MASTL: variants seen among roughly 807,000 people sequenced by gnomAD.
MASTL encodes the protein serine/threonine-protein kinase greatwall.
Under a neutral mutation model 82.5 loss-of-function variants are expected in MASTL, and 54 were observed. That is an observed-to-expected ratio of 0.65 (90% confidence interval 0.53 to 0.82). The LOEUF is 0.82. Among genes scored for constraint, MASTL ranks in the 40% least tolerant of loss-of-function variants. The pLI is 0.00. For synonymous variants in MASTL, 323 were observed against 368.9 expected (o/e 0.88, Z 1.43); for missense variants, 950 against 1,047.8 (o/e 0.91, Z 1.29).
At chr10:27,179,505 A>G (rs1384080257) in intron 9 of MASTL, among the ~76,000 whole-genome samples, 1 of 152,198 alleles carries the variant, frequency 6.6e-6, no homozygotes, top group Non-Finnish European at 1.5e-5. Flanking sequence ...TGCAGTGAGC[A>G]GAGATTGCAC....
In MASTL at chr10:27,186,499, C is replaced by T. The variant is rs768523040; in HGVS notation, c.2603C>T (p.Thr868Ile). Reference sequence around the variant, plus strand: ...ACCTCCTATTTTGAAGCCAGGAATACTGCTCAGCACCTGACTGTATCTGGA... The same window carrying T: ...ACCTCCTATTTTGAAGCCAGGAATATTGCTCAGCACCTGACTGTATCTGGA... ...TDTSYFEARN[T>I]AQHLTVSGFS... The change falls in exon 12 of 12, where the codon ACT becomes ATT. Residue 868 changes from threonine to isoleucine, a missense_variant. By Grantham distance (89) the Thr-to-Ile change is moderately conservative. Coordinates refer to ENST00000375940, the MANE Select transcript of MASTL (RefSeq NM_001172303.3). 1 of 1,614,130 alleles carries T rather than the reference C, an allele frequency of 6.2e-7. No individual in the cohort carries two copies. The highest frequency in any genetic ancestry group is 1.1e-5 in the South Asian group (1 of 91,088).
At chr10:27,186,230 C>T (rs2058737627) in intron 11 of MASTL, 149 bp from the exon 12 acceptor site, 1 of 820,894 alleles carries the variant, frequency 1.2e-6, no homozygotes, top group Admixed American at 2.0e-5. Flanking sequence ...AGTATGTGGC[C>T]TAACAGACAT....
intron 9 of MASTL, among the ~76,000 whole-genome samples, chr10:27,180,178 C>A (rs1004215181): frequency 2.0e-5 from 3 of 152,064 alleles, no homozygotes; most frequent in Non-Finnish European, 4.4e-5. Context: ...TTGATGAAGA[C>A]AGTTGTAGGT....
At chr10:27,166,311 G>A (rs2057739621) in intron 6 of MASTL, among the ~76,000 whole-genome samples, 1 of 152,136 alleles carries the variant, frequency 6.6e-6, no homozygotes, top group Admixed American at 6.5e-5. Context: ...AAACCTCAGT[G>A]TTAATAAATA....
chr10:27,164,228 T>G (rs2057668266), intron 4 of MASTL, among the ~76,000 whole-genome samples: 2 of 152,204 alleles, frequency 1.3e-5, no homozygotes, highest in African/African-American at 4.8e-5. Context: ...TACTGTAGCC[T>G]TGAACTCCTG....
intron 4 of MASTL, among the ~76,000 whole-genome samples, chr10:27,161,855 A>G (rs929739129): frequency 1.1e-4 from 16 of 152,208 alleles, no homozygotes; most frequent in African/African-American, 3.9e-4. Flanking sequence ...CTATAACATG[A>G]TGAAGGGTTA....
At chr10:27,172,623 C>T (rs1307181091) in intron 8 of MASTL, among the ~76,000 whole-genome samples, 1 of 151,910 alleles carries the variant, frequency 6.6e-6, no homozygotes, top group Admixed American at 6.6e-5. Flanking sequence ...CACTGCACTC[C>T]AGCCTGGGCA....
chr10:27,159,892 T>C lies in MASTL; in HGVS notation c.464+134T>C. 1.3e-6 allele frequency: 1 copy of C among 755,140 alleles called. No individual in the cohort carries two copies. Among genetic ancestry groups the C allele is most frequent in the Non-Finnish European group, 2.3e-6 (1 of 439,902 alleles). The allele number at this position is 755,140 out of a possible 1,614,324, so 46.8% of individuals were successfully genotyped here. A position where few individuals can be genotyped will look rare whatever the true frequency, so the allele number is the denominator to read the frequency against. On this transcript the variant is annotated intron_variant, in intron 3 of 11. Coordinates refer to ENST00000375940, the MANE Select transcript of MASTL (RefSeq NM_001172303.3). The surrounding 1 kb of genome is among the most constrained non-coding windows in gnomAD (Gnocchi z 4.0). ...AAAGTTTACTAGTAACTTGTATTCA[T>C]TTAGAAATTAACTCTTCTTTCATCT...
At position 27,187,598 on chromosome 10, in the gene MASTL, A is replaced by T. The variant is rs1278044893; in HGVS notation, c.*1062A>T. Among the ~76,000 whole-genome samples the T allele has an allele frequency of 6.6e-6, 1 of 151,838 alleles. No individual in the cohort carries two copies. Among genetic ancestry groups the T allele is most frequent in the Admixed American group, 6.6e-5 (1 of 15,230 alleles). The stretch of plus-strand genomic sequence containing the variant: ...AAAACCTGGTCTCTACTAAAAATAG[A>T]AAAATTAGCCAGGTATGGTGACGCA... On this transcript the variant is annotated 3_prime_UTR_variant, in exon 12 of 12. Coordinates refer to ENST00000375940, the MANE Select transcript of MASTL (RefSeq NM_001172303.3).
rs2057317031 is a variant in MASTL, at chr10:27,155,361, C to A, written c.-66C>A. ...GCGTGGGCGGAGCCTCACTTTGAAC[C>A]CAGTTGGCGGGAGTGGCTGCTCGCG... On this transcript the variant is annotated 5_prime_UTR_variant, in exon 1 of 12. Transcript: ENST00000375940. 6 of 1,488,198 alleles carry A rather than the reference C, an allele frequency of 4.0e-6. No individual in the cohort carries two copies. The Admixed American group carries it at 6.1e-5, about 15-fold the overall frequency. The allele number at this position is 1,488,198 out of a possible 1,614,324, so 92.2% of individuals were successfully genotyped here.
In MASTL at chr10:27,155,777, A is replaced by T. The variant is rs3824592; in HGVS notation, c.186+165A>T. Among the ~76,000 whole-genome samples, 11,429 of 152,156 alleles carry T rather than the reference A, an allele frequency of 0.075. 496 individuals are homozygous for T. The highest frequency in any genetic ancestry group is 0.16 in the East Asian group (826 of 5,154). On this transcript the variant is annotated intron_variant, in intron 1 of 11. Coordinates refer to ENST00000375940, the MANE Select transcript of MASTL (RefSeq NM_001172303.3). ...GCTGACTTCTTTTTGGGGCGACATC[A>T]GCGGTCGGGTCGGGTGTCTCGCCTC...
Position 27,159,312 on chromosome 10 carries a change from G to A in MASTL, c.325-307G>A, listed in dbSNP as rs1369926833. ...AATTTTTTGTAATTTTAGTAGGGAC[G>A]GGGTTTTGCTATGTTGGCCAGGCTA... On this transcript the variant is annotated intron_variant, in intron 2 of 11. Coordinates refer to ENST00000375940, the MANE Select transcript of MASTL (RefSeq NM_001172303.3). The surrounding 1 kb of genome is among the most constrained non-coding windows in gnomAD (Gnocchi z 4.0). Among the ~76,000 whole-genome samples the A allele has an allele frequency of 2.0e-5, 3 of 152,074 alleles. No individual in the cohort carries two copies. The highest frequency in any genetic ancestry group is 2.1e-4 in the South Asian group (1 of 4,828).
chr10:27,159,707 C>T lies in MASTL; in HGVS notation c.413C>T (p.Ser138Phe), dbSNP rs746859805. The stretch of plus-strand genomic sequence containing the variant: ...GAAGAGATGGCTGTGAAATATATTT[C>T]TGAAGTAGCACTGGCTCTAGACTAC... ...FDEEMAVKYI[S>F]EVALALDYLH... The change falls in exon 3 of 12, where the codon TCT (serine) becomes TTT (phenylalanine). Residue 138 changes from serine to phenylalanine, a missense_variant. Coordinates refer to ENST00000375940, the MANE Select transcript of MASTL (RefSeq NM_001172303.3). The surrounding 1 kb of genome is among the most constrained non-coding windows in gnomAD (Gnocchi z 4.0). The T allele has an allele frequency of 6.2e-7, 1 of 1,609,364 alleles. No individual in the cohort carries two copies. The highest frequency in any genetic ancestry group is 2.2e-5 in the East Asian group (1 of 44,796).
Position 27,170,539 on chromosome 10 carries a change from T to C in MASTL, c.1580T>C (p.Met527Thr), listed in dbSNP as rs765368350. The C allele has an allele frequency of 6.2e-7, 1 of 1,613,746 alleles. No homozygotes were observed. Among genetic ancestry groups the C allele is most frequent in the African/African-American group, 1.3e-5 (1 of 74,892 alleles). Residue 527 changes from methionine to threonine, a missense_variant, in exon 8 of 12, where the codon ATG (methionine) becomes ACG (threonine). Physicochemically the swap from Met to Thr is moderately conservative, Grantham distance 81. Coordinates refer to ENST00000375940, the MANE Select transcript of MASTL (RefSeq NM_001172303.3). Reference protein sequence around the residue: ...QQTPEKLPIPMIAKNLMCELD... With the variant: ...QQTPEKLPIPTIAKNLMCELD... ...ACACCAGAAAAATTACCTATACCAATGATAGCAAAAAACCTTATGTGTGAA... is the reference window on the plus strand; with the variant it reads ...ACACCAGAAAAATTACCTATACCAACGATAGCAAAAAACCTTATGTGTGAA...
intron 9 of MASTL, among the ~76,000 whole-genome samples, chr10:27,176,648 C>T (rs1408571961): frequency 2.6e-5 from 4 of 152,134 alleles, no homozygotes; most frequent in Middle Eastern, 3.2e-3. Flanking sequence ...AATTCCTTCT[C>T]ATTTCATCAT....
chr10:27,158,449 A>G (rs930421927), intron 1 of MASTL, 100 bp from the exon 2 acceptor site: 83 of 950,830 alleles, frequency 8.7e-5, no homozygotes, highest in Non-Finnish European at 1.2e-4. Context: ...CAAGGCTGCA[A>G]TAAGCTTTGA....
At chr10:27,158,482 G>A (rs1334573461) in intron 1 of MASTL, 67 bp from the exon 2 acceptor site, 1 of 1,320,632 alleles carries the variant, frequency 7.6e-7, no homozygotes, top group African/African-American at 1.5e-5. Context: ...ACTCAGCCTG[G>A]GCAAGAGAAT....
At chr10:27,177,324 C>A (rs1211136903) in intron 9 of MASTL, among the ~76,000 whole-genome samples, 1 of 152,180 alleles carries the variant, frequency 6.6e-6, no homozygotes, top group Non-Finnish European at 1.5e-5. Context: ...GCCTCTTTTG[C>A]TCTGTCACAG....
chr10:27,159,354 C>T lies in MASTL; in HGVS notation c.325-265C>T, dbSNP rs1371300532. On this transcript the variant is annotated intron_variant, in intron 2 of 11. Coordinates refer to ENST00000375940, the MANE Select transcript of MASTL (RefSeq NM_001172303.3). The surrounding 1 kb of genome is among the most constrained non-coding windows in gnomAD (Gnocchi z 4.0). ...GCCAGGCTAGTCTCGAACTCCTGGC[C>T]TCAAGTGATCTGCCCATCTTGGCCT... 1.3e-5 allele frequency among the ~76,000 whole-genome samples: 2 copies of T among 152,152 alleles called. No homozygotes were observed. The highest frequency in any genetic ancestry group is 2.9e-5 in the Non-Finnish European group (2 of 68,034).
Sources: allele counts gnomAD v4.1 joint callset (sites outside exome capture counted in the v4.1 genomes callset), GRCh38; gene constraint gnomAD v4.1.1; non-coding constraint Gnocchi (gnomAD v3.1); transcripts MANE v1.5; gene names NCBI Gene and HGNC (gene_info 2026-07-23, HGNC 2026-07-21).